The following PLEKHA6 variants were observed in gnomAD, a reference collection of about 807,000 sequenced individuals.
PLEKHA6 encodes pleckstrin homology domain-containing family A member 6.
PLEKHA6 carries 60 observed loss-of-function variants against 116.7 expected under a neutral mutation model. The ratio of observed to expected loss-of-function variants is 0.51; its 90% CI spans 0.42 to 0.64. The LOEUF (loss-of-function observed/expected upper bound fraction) is 0.64, where lower values mean the gene tolerates loss of function less well. PLEKHA6 is among the 30% of genes least tolerant of loss of function. The pLI, the probability that PLEKHA6 is intolerant of heterozygous loss-of-function variation, is 0.00. For missense variants in PLEKHA6, 1,338 were observed against 1,422.7 expected (o/e 0.94, Z 0.96); for synonymous variants, 489 against 556.1 (o/e 0.88, Z 1.70).
intron 1 of PLEKHA6, among the ~76,000 whole-genome samples, chr1:204,345,230 G>A (rs574207180): frequency 9.2e-5 from 14 of 152,138 alleles, no homozygotes; most frequent in Admixed American, 2.6e-4. Flanking sequence ...CACTGGGCCC[G>A]ATTGGGATGC....
chr1:204,253,068 G>T (rs915255563), intron 9 of PLEKHA6, among the ~76,000 whole-genome samples: 35 of 152,322 alleles, frequency 2.3e-4, no homozygotes, highest in African/African-American at 7.9e-4. Context: ...GATTTTGTAA[G>T]AAACTACCTA....
At chr1:204,235,450 C>G (rs1170018302) in intron 17 of PLEKHA6, among the ~76,000 whole-genome samples, 3 of 152,168 alleles carry the variant, frequency 2.0e-5, no homozygotes, top group Non-Finnish European at 4.4e-5. Flanking sequence ...TATCTCCCAG[C>G]TTCAGAAGCA....
At chr1:204,319,218 G>A (rs967923920) in intron 1 of PLEKHA6, among the ~76,000 whole-genome samples, 10 of 152,134 alleles carry the variant, frequency 6.6e-5, no homozygotes, top group Middle Eastern at 3.2e-3. Flanking sequence ...GTCCTTTCCT[G>A]TGCTATGGAA....
intron 9 of PLEKHA6, among the ~76,000 whole-genome samples, chr1:204,253,857 CA>C (rs1017454003): frequency 4.2e-5 from 6 of 143,924 alleles, no homozygotes; most frequent in African/African-American, 1.0e-4. Flanking sequence ...AAAACAAAAA[CA>C]AAAACAAACA....
chr1:204,259,727 C>T lies in PLEKHA6; in HGVS notation c.538G>A (p.Asp180Asn), dbSNP rs756057632. The T allele has an allele frequency of 6.2e-7, 1 of 1,610,442 alleles. No homozygotes were observed. The highest frequency in any genetic ancestry group is 1.3e-5 in the African/African-American group (1 of 74,972). The change falls in exon 8 of 23, where the codon GAC becomes AAC. Residue 180 changes from aspartate to asparagine, a missense_variant. Physicochemically the swap from Asp to Asn is conservative, Grantham distance 23 (BLOSUM62 1). Transcript: ENST00000272203. This position sits in a 1 kb window ranked among gnomAD's most constrained non-coding sequence, Gnocchi z 4.6. ...TTGCTGGGTGGGACGTTCTCCGAGTCTGGCTTCTCATGGCTGCAGGATGCC... is the reference window on the plus strand; with the variant it reads ...TTGCTGGGTGGGACGTTCTCCGAGTTTGGCTTCTCATGGCTGCAGGATGCC... The part of the protein sequence containing the change: ...QAVRHSHEKP[D>N]SENVPPSKHH...
intron 1 of PLEKHA6, among the ~76,000 whole-genome samples, chr1:204,294,512 C>G (rs1670077384): frequency 6.6e-6 from 1 of 152,248 alleles, no homozygotes; most frequent in South Asian, 2.1e-4. Context: ...GAGCCCAGGA[C>G]ACAGCCCAAA....
At chr1:204,280,540 T>A in intron 1 of PLEKHA6, 1 of 815,384 alleles carries the variant, frequency 1.2e-6, no homozygotes. Flanking sequence ...AGCTTCCCCA[T>A]CCTGAGGACG....
rs569910699 is a variant in PLEKHA6 at position 204,232,150 on chromosome 1, G to A, written c.2410-1564C>T. On this transcript the variant is annotated intron_variant, in intron 17 of 22. Transcript: ENST00000272203. ...TGGATATATTGTTTTCTACTGTCGA[G>A]TGGAAACAGAACTTGAAGGCTGTGA... Among the ~76,000 whole-genome samples, 3 of 152,344 alleles carry A rather than the reference G, an allele frequency of 2.0e-5. No individual in the cohort carries two copies. The South Asian group carries it at 6.2e-4, about 32-fold the overall frequency.
At chr1:204,267,355 A>AG (rs1666943480) in intron 5 of PLEKHA6, 120 bp downstream of exon 5, 1 of 791,074 alleles carries the variant, frequency 1.3e-6, no homozygotes, top group Admixed American at 1.9e-5. Flanking sequence ...CCAGGACCAC[A>AG]GTGAGGAGAT....
chr1:204,308,675 C>CTTTTTG (rs1016545056), intron 1 of PLEKHA6, among the ~76,000 whole-genome samples: 6 of 62,662 alleles, frequency 9.6e-5, no homozygotes, highest in Non-Finnish European at 2.1e-4. Context: ...GAAGGTAATT[C>CTTTTTG]TTTTTCTTTT....
At chr1:204,253,506 G>A (rs747690567) in intron 9 of PLEKHA6, among the ~76,000 whole-genome samples, 14 of 152,014 alleles carry the variant, frequency 9.2e-5, no homozygotes, top group Non-Finnish European at 1.6e-4. Context: ...TGGGTGAAAG[G>A]GCGAGACTCC....
chr1:204,295,395 C>T (rs1670170158), intron 1 of PLEKHA6, among the ~76,000 whole-genome samples: 1 of 150,684 alleles, frequency 6.6e-6, no homozygotes, highest in African/African-American at 2.4e-5. Flanking sequence ...GAGGCTGAGG[C>T]AAGAGGATCG....
At chr1:204,300,938 C>T (rs1405162992) in intron 1 of PLEKHA6, among the ~76,000 whole-genome samples, 1 of 152,242 alleles carries the variant, frequency 6.6e-6, no homozygotes, top group Admixed American at 6.5e-5. Flanking sequence ...TCCTAACTGG[C>T]AGCAAAACTC....
intron 1 of PLEKHA6, among the ~76,000 whole-genome samples, chr1:204,325,272 G>A (rs1672203107): frequency 6.6e-6 from 1 of 152,180 alleles, no homozygotes; most frequent in African/African-American, 2.4e-5. Context: ...CGAATGCCAG[G>A]AAGAAATGTT....
At chr1:204,370,359 G>T (rs529057063) in intron 2 of PLEKHA6, among the ~76,000 whole-genome samples, 1 of 152,238 alleles carries the variant, frequency 6.6e-6, no homozygotes, top group Non-Finnish European at 1.5e-5. Context: ...GGAACCAGGC[G>T]CCTAGTGTCC....
At chr1:204,273,011 A>G (rs780893392) in intron 3 of PLEKHA6, among the ~76,000 whole-genome samples, 4 of 151,518 alleles carry the variant, frequency 2.6e-5, no homozygotes, top group Non-Finnish European at 5.9e-5. Context: ...TTCTCACACC[A>G]CTCAAACTGC....
intron 1 of PLEKHA6, among the ~76,000 whole-genome samples, chr1:204,345,866 C>G (rs182083898): frequency 5.4e-4 from 82 of 152,152 alleles, no homozygotes; most frequent in African/African-American, 1.8e-3. Context: ...ATCAGCTCAC[C>G]CAACTTCCCA....
intron 1 of PLEKHA6, among the ~76,000 whole-genome samples, chr1:204,298,366 T>G (rs1004089880): frequency 2.0e-5 from 3 of 152,186 alleles, no homozygotes; most frequent in Non-Finnish European, 4.4e-5. Context: ...GACTCCCTAG[T>G]GTCAAATGGA....
intron 3 of PLEKHA6, among the ~76,000 whole-genome samples, chr1:204,270,505 T>C (rs1391206641): frequency 6.6e-6 from 1 of 152,196 alleles, no homozygotes; most frequent in Non-Finnish European, 1.5e-5. Flanking sequence ...ATGAGCCACC[T>C]AGCCACCCAC....
Sources: gnomAD v4.1 joint callset for allele counts (sites outside exome capture counted in the v4.1 genomes callset) on GRCh38, gnomAD v4.1.1 for gene constraint, Gnocchi (gnomAD v3.1) non-coding constraint, MANE v1.5 for transcripts, NCBI Gene and HGNC (gene_info 2026-07-23, HGNC 2026-07-21) for gene names.